Variants in PRIM2 observed in about 807,000 individuals in gnomAD.
The protein encoded by PRIM2 is DNA primase subunit 2.
Under a neutral mutation model 67.3 loss-of-function variants are expected in PRIM2, and 39 were observed. The ratio of observed to expected loss-of-function variants is 0.58; its 90% CI spans 0.45 to 0.76. The LOEUF is 0.76. PRIM2 is among the 30% of genes least tolerant of loss of function. The pLI is 0.00. For synonymous variants in PRIM2, 143 were observed against 198.7 expected (o/e 0.72, Z 2.36); for missense variants, 398 against 598.7 (o/e 0.66, Z 3.50).
intron 7 of PRIM2, among the ~76,000 whole-genome samples, chr6:57,458,470 G>A (rs1314542351): frequency 6.6e-6 from 1 of 152,162 alleles, no homozygotes; most frequent in Admixed American, 6.5e-5. Context: ...GATCACCTGA[G>A]GTCAGGAGTT....
At chr6:57,471,409 A>T (rs1773334511) in intron 7 of PRIM2, among the ~76,000 whole-genome samples, 1 of 152,152 alleles carries the variant, frequency 6.6e-6, no homozygotes, top group East Asian at 1.9e-4. Flanking sequence ...TGATAAAAGG[A>T]TGGAGGGAGA....
At chr6:57,301,019 GAAGT>G in the PRIM2 span, among the ~76,000 whole-genome samples, 1 of 152,196 alleles carries the variant, frequency 6.6e-6, no homozygotes, top group Admixed American at 6.5e-5. Context: ...TGTAAAAACA[GAAGT>G]AAGATCTGAC....
intron 10 of PRIM2, among the ~76,000 whole-genome samples, chr6:57,590,243 G>A (rs1456171974): frequency 1.3e-5 from 2 of 152,210 alleles, no homozygotes; most frequent in African/African-American, 4.8e-5. Flanking sequence ...GTCTTGGTGT[G>A]TGCTTAGAGA....
chr6:57,292,731 A>G, the PRIM2 span, among the ~76,000 whole-genome samples: 93 of 152,310 alleles, frequency 6.1e-4, 1 homozygote, highest in African/African-American at 2.2e-3. Flanking sequence ...AAAAACAAGC[A>G]ATGGGGAAAG....
At chr6:57,300,851 C>T in the PRIM2 span, among the ~76,000 whole-genome samples, 1 of 151,982 alleles carries the variant, frequency 6.6e-6, no homozygotes, top group Admixed American at 6.6e-5. Context: ...CAAAAGGTTT[C>T]CCTCTTACCA....
intron 10 of PRIM2, among the ~76,000 whole-genome samples, chr6:57,586,502 C>G (rs1327746105): frequency 0.39 from 59,544 of 151,810 alleles, 11,952 homozygotes; most frequent in East Asian, 0.67. Flanking sequence ...TCCCAGAAAA[C>G]AATTGATGGT....
At chr6:57,403,009 A>C (rs1261415187) in intron 7 of PRIM2, among the ~76,000 whole-genome samples, 4 of 152,124 alleles carry the variant, frequency 2.6e-5, no homozygotes, top group African/African-American at 7.2e-5. Flanking sequence ...ATGTATGTAC[A>C]GAAAAATTAC....
At chr6:57,578,814 C>G (rs1482009742) in intron 10 of PRIM2, among the ~76,000 whole-genome samples, 1 of 151,214 alleles carries the variant, frequency 6.6e-6, no homozygotes, top group Non-Finnish European at 1.5e-5. Flanking sequence ...GTAGCTGGGA[C>G]TACAGGCGCC....
chr6:57,407,557 T>A (rs1770934720), intron 7 of PRIM2, among the ~76,000 whole-genome samples: 1 of 152,206 alleles, frequency 6.6e-6, no homozygotes, highest in African/African-American at 2.4e-5. Flanking sequence ...TCCACTGTTA[T>A]TTTTTAGCAC....
In PRIM2 at chr6:57,484,214, C is replaced by A. The variant is rs1407164516; in HGVS notation, c.694-23173C>A. ...GGCCTAAAAGCTTTAGCACATGGAACATTAAAACCATGCTTTTCACTTGGA... is the reference window on the plus strand; with the variant it reads ...GGCCTAAAAGCTTTAGCACATGGAAAATTAAAACCATGCTTTTCACTTGGA... On this transcript the variant is annotated intron_variant, in intron 7 of 13. Transcript: ENST00000615550. Among the ~76,000 whole-genome samples, 13 of 152,296 alleles carry A rather than the reference C, an allele frequency of 8.5e-5. No homozygotes were observed. The East Asian group carries it at 1.9e-3, about 23-fold the overall frequency.
chr6:57,568,454 G>A (rs1351692230), intron 10 of PRIM2, among the ~76,000 whole-genome samples: 1 of 152,082 alleles, frequency 6.6e-6, no homozygotes, highest in Non-Finnish European at 1.5e-5. Context: ...TATTTTATGG[G>A]AAAAACCCCT....
chr6:57,474,169 CTATCTT>C (rs1773408840), intron 7 of PRIM2, among the ~76,000 whole-genome samples: 1 of 131,840 alleles, frequency 7.6e-6, no homozygotes, highest in African/African-American at 2.8e-5. Context: ...TGCAATTCTG[CTATCTT>C]TTTTTTTTTT....
chr6:57,516,464 G>A (rs1774490257), intron 8 of PRIM2, among the ~76,000 whole-genome samples: 2 of 152,052 alleles, frequency 1.3e-5, no homozygotes, highest in African/African-American at 2.4e-5. Context: ...TACTTTACTA[G>A]TTTAATATAT....
At chr6:57,230,804 C>T in the PRIM2 span, among the ~76,000 whole-genome samples, 2 of 152,190 alleles carry the variant, frequency 1.3e-5, no homozygotes, top group Non-Finnish European at 2.9e-5. Flanking sequence ...AATAAATCTA[C>T]ATCCTTTGTG....
chr6:57,416,562 TTC>T (rs1771269646), intron 7 of PRIM2, among the ~76,000 whole-genome samples: 1 of 152,194 alleles, frequency 6.6e-6, no homozygotes, highest in Non-Finnish European at 1.5e-5. Flanking sequence ...AGGCTTTGAC[TTC>T]TCTCTAGCTA....
At chr6:57,293,988 T>C in the PRIM2 span, among the ~76,000 whole-genome samples, 1 of 152,176 alleles carries the variant, frequency 6.6e-6, no homozygotes, top group African/African-American at 2.4e-5. Context: ...AAAAAAGGTA[T>C]TCCTTGCAAT....
the PRIM2 span, chr6:57,221,640 A>G: frequency 6.6e-6 from 1 of 152,460 alleles, no homozygotes; most frequent in African/African-American, 2.4e-5. Flanking sequence ...GCAGGCAAAA[A>G]GCCGAACGTT....
chr6:57,429,302 A>G (rs1771741970), intron 7 of PRIM2, among the ~76,000 whole-genome samples: 1 of 152,148 alleles, frequency 6.6e-6, no homozygotes, highest in African/African-American at 2.4e-5. Context: ...AGAAAACATC[A>G]AGGCTGGAGG....
At chr6:57,543,240 G>T (rs1220624368) in intron 10 of PRIM2, among the ~76,000 whole-genome samples, 74 of 152,236 alleles carry the variant, frequency 4.9e-4, no homozygotes, top group African/African-American at 1.8e-3. Context: ...CGCCCGGCCA[G>T]GATATTTTTT....
Sources: gnomAD v4.1 joint callset for allele counts (sites outside exome capture counted in the v4.1 genomes callset) on GRCh38, gnomAD v4.1.1 for gene constraint, MANE v1.5 for transcripts, NCBI Gene and HGNC (gene_info 2026-07-23, HGNC 2026-07-21) for gene names.